The following CRYBG3 variants were observed in gnomAD, a reference collection of about 807,000 sequenced individuals.
The protein encoded by CRYBG3 is very large A-kinase anchor protein.
Under a neutral mutation model 244.2 loss-of-function variants are expected in CRYBG3, and 127 were observed. The ratio of observed to expected loss-of-function variants is 0.52; its 90% confidence interval spans 0.45 to 0.60. The LOEUF is 0.60. CRYBG3 is among the 20% of genes least tolerant of loss of function. CRYBG3 has a pLI of 0.00. For synonymous variants in CRYBG3, 1,132 were observed against 1,195.8 expected, an observed-to-expected ratio of 0.95 and a Z score of 1.10; for missense variants, 3,325 against 3,442.5, an observed-to-expected ratio of 0.97 and a Z score of 0.85.
intron 19 of CRYBG3, among the ~76,000 whole-genome samples, chr3:97,937,771 G>C (rs116723777): frequency 6.6e-6 from 1 of 152,052 alleles, no homozygotes; most frequent in Non-Finnish European, 1.5e-5. Context: ...TGTAGGAGCT[G>C]AGGAACTATT....
In CRYBG3 at chr3:97,822,198, C is replaced by G; in HGVS notation, c.-9C>G. 6.6e-7 allele frequency: 1 copy of G among 1,514,898 alleles called. No homozygotes were observed. The highest frequency in any genetic ancestry group is 8.8e-7 in the Non-Finnish European group (1 of 1,136,730). The allele number at this position is 1,514,898 out of a possible 1,614,324, so 93.8% of individuals were successfully genotyped here. A position where few individuals can be genotyped will look rare whatever the true frequency, so the allele number is the denominator to read the frequency against. ...TCAGACAGCCCCGGGCCAGCGGCCC[C>G]CTCGGGAAATGTCCAGCGGCCGCAG... On this transcript the variant is annotated 5_prime_UTR_variant, in exon 1 of 22. Transcript: ENST00000389622.
At chr3:97,850,572 T>C (rs1162922549) in intron 2 of CRYBG3, among the ~76,000 whole-genome samples, 1 of 152,236 alleles carries the variant, frequency 6.6e-6, no homozygotes, top group African/African-American at 2.4e-5. Flanking sequence ...AATAGCTTAT[T>C]GTTTTAAACT....
chr3:97,876,034 G>C lies in CRYBG3; in HGVS notation c.4840G>C (p.Val1614Leu), dbSNP rs533818943. The change falls in exon 4 of 22, where the codon GTC becomes CTC. Residue 1614 changes from valine to leucine, a missense_variant. Transcript: ENST00000389622. ...TATTGAAAAAACTGAGGGATCAGCT[G>C]TCATTTTAGGAATGGAAAAAGCTTA... ...SCIEKTEGSA[V>L]ILGMEKAYKM... is the part of the protein sequence containing the mutation. 9 of 1,232,058 alleles carry C rather than the reference G, an allele frequency of 7.3e-6. No individual in the cohort carries two copies. Among genetic ancestry groups the C allele is most frequent in the East Asian group, 3.2e-5 (1 of 31,690 alleles). 76.3% of individuals were successfully genotyped at this position (1,232,058 alleles called of 1,614,324 possible). A position where few individuals can be genotyped will look rare whatever the true frequency, so the allele number is the denominator to read the frequency against.
At chr3:97,859,709 T>C (rs34537649) in intron 2 of CRYBG3, among the ~76,000 whole-genome samples, 5,882 of 152,246 alleles carry the variant, frequency 0.039, 155 homozygotes, top group Non-Finnish European at 0.061. Flanking sequence ...TTTTTGTCTC[T>C]CCTTCAGCTT....
intron 7 of CRYBG3, among the ~76,000 whole-genome samples, chr3:97,884,024 G>A (rs2039480518): frequency 6.6e-6 from 1 of 152,176 alleles, no homozygotes; most frequent in South Asian, 2.1e-4. Context: ...ACAACACAAT[G>A]CAGAGGAAAT....
At chr3:97,861,417 G>T (rs2039146188) in intron 2 of CRYBG3, among the ~76,000 whole-genome samples, 1 of 152,098 alleles carries the variant, frequency 6.6e-6, no homozygotes, top group African/African-American at 2.4e-5. Flanking sequence ...GCTCCTTGAA[G>T]ACCTCAGCTA....
At position 97,871,930 on chromosome 3, in the gene CRYBG3, A is replaced by G; in HGVS notation, c.736A>G (p.Thr246Ala). The change falls in exon 4 of 22, where the codon ACA becomes GCA. Residue 246 changes from threonine (T) to alanine (A), a missense_variant. Physicochemically the swap from Thr to Ala is moderately conservative, Grantham distance 58. Around this residue, in one of 4 missense-constraint regions of CRYBG3, gnomAD observed 1,526 missense variants for 1,443.2 expected, o/e 1.06. Transcript: ENST00000389622. Reference protein sequence around the residue: ...RHIGKYLKQQTGLATVNTLDR... With the variant: ...RHIGKYLKQQAGLATVNTLDR... ...CATTGGGAAATATTTAAAGCAACAG[A>G]CAGGCTTGGCAACTGTGAATACCTT... The G allele has an allele frequency of 6.5e-7, 1 of 1,535,764 alleles. No individual in the cohort carries two copies. The highest frequency in any genetic ancestry group is 2.4e-5 in the East Asian group (1 of 40,912).
Position 97,876,319 on chromosome 3 carries a change from C to G in CRYBG3, c.5125C>G (p.Pro1709Ala). ...EGISEKAEVI[P>A]VTLAMENTYQ... ...GATTAGTGAAAAGGCTGAAGTGATA[C>G]CCGTTACATTAGCAATGGAAAATAC... Residue 1709 changes from proline (P) to alanine (A), a missense_variant, in exon 4 of 22, where the codon CCC (proline) becomes GCC (alanine). This residue lies in a region of CRYBG3 where 635 missense variants were observed against 771.7 expected (regional missense o/e 0.82). Transcript: ENST00000389622. 8.1e-7 allele frequency: 1 copy of G among 1,231,802 alleles called. No individual in the cohort carries two copies. Among genetic ancestry groups the G allele is most frequent in the Non-Finnish European group, 1.0e-6 (1 of 987,916 alleles). 76.3% of individuals were successfully genotyped at this position (1,231,802 alleles called of 1,614,324 possible).
rs73850193 is a variant in CRYBG3, at chr3:97,831,883, C to G, written c.149+9528C>G. Among the ~76,000 whole-genome samples the G allele has an allele frequency of 6.5e-3, 982 of 151,766 alleles. 8 individuals carry two copies. Among genetic ancestry groups the G allele is most frequent in the African/African-American group, 0.022 (898 of 41,416 alleles). On this transcript the variant is annotated intron_variant, in intron 1 of 21. Coordinates refer to ENST00000389622, the MANE Select transcript of CRYBG3 (RefSeq NM_153605.4). ...GTTATTCTTCGTCTTTTTTTTTAACCTGATAGCTTATTTCCTCTTATTAAT... is the reference window on the plus strand; with the variant it reads ...GTTATTCTTCGTCTTTTTTTTTAACGTGATAGCTTATTTCCTCTTATTAAT...
At chr3:97,837,239 G>T (rs2038747305) in intron 1 of CRYBG3, among the ~76,000 whole-genome samples, 1 of 152,064 alleles carries the variant, frequency 6.6e-6, no homozygotes, top group East Asian at 1.9e-4. Context: ...GGTATTATTT[G>T]ATCACATTTT....
At chr3:97,849,226 G>T (rs372831398) in intron 2 of CRYBG3, among the ~76,000 whole-genome samples, 2 of 152,208 alleles carry the variant, frequency 1.3e-5, no homozygotes, top group Non-Finnish European at 2.9e-5. Context: ...TTGGTAAAAT[G>T]ATTGCCTTCT....
Position 97,872,725 on chromosome 3 carries a change from A to G in CRYBG3, c.1531A>G (p.Lys511Glu). 2 of 1,535,968 alleles carry G rather than the reference A, an allele frequency of 1.3e-6. No homozygotes were observed. The highest frequency in any genetic ancestry group is 2.4e-5 in the East Asian group (1 of 40,914). ...AGACACAGAATTTGTAAATGAAGGA[A>G]AGAGATTGTCTGCCCAAGACTCACA... ...VTDTEFVNEG[K>E]RLSAQDSQKN... Residue 511 changes from lysine (K) to glutamate (E), a missense_variant, in exon 4 of 22, where the codon AAG becomes GAG. Physicochemically the swap from Lys to Glu is moderately conservative, Grantham distance 56. Coordinates refer to ENST00000389622, the MANE Select transcript of CRYBG3 (RefSeq NM_153605.4).
chr3:97,910,616 G>T (rs1261510065), intron 15 of CRYBG3, among the ~76,000 whole-genome samples: 12 of 152,172 alleles, frequency 7.9e-5, no homozygotes, highest in Admixed American at 7.9e-4. Flanking sequence ...TTCGCGCACG[G>T]TGCACGCACC....
At chr3:97,884,346 T>G (rs1576543423) in intron 7 of CRYBG3, among the ~76,000 whole-genome samples, 1 of 152,266 alleles carries the variant, frequency 6.6e-6, no homozygotes, top group East Asian at 1.9e-4. Flanking sequence ...GTTTACTGTG[T>G]ATTTAAGGTT....
At chr3:97,882,599 A>G (rs1332973449) in intron 7 of CRYBG3, among the ~76,000 whole-genome samples, 1 of 152,148 alleles carries the variant, frequency 6.6e-6, no homozygotes, top group Admixed American at 6.5e-5. Context: ...TATTCTTAAG[A>G]TTTCCTTCAT....
Position 97,864,296 on chromosome 3 carries a change from A to G in CRYBG3, c.296A>G (p.Tyr99Cys). ...LPVQEDPKKA[Y>C]DLSSSTSDTK... Reference sequence around the variant, plus strand: ...GTGCAGGAAGATCCCAAAAAGGCATATGATCTTTCCAGTTCCACTTCAGAT... The same window carrying G: ...GTGCAGGAAGATCCCAAAAAGGCATGTGATCTTTCCAGTTCCACTTCAGAT... The change falls in exon 3 of 22, where the codon TAT becomes TGT. Residue 99 changes from tyrosine (Y) to cysteine (C), a missense_variant. By Grantham distance (194) the Tyr-to-Cys change is radical. This residue lies in a region of CRYBG3 where 1,526 missense variants were observed against 1,443.2 expected (regional missense o/e 1.06). Coordinates refer to ENST00000389622, the MANE Select transcript of CRYBG3 (RefSeq NM_153605.4). 1 of 1,535,690 alleles carries G rather than the reference A, an allele frequency of 6.5e-7. No homozygotes were observed. The highest frequency in any genetic ancestry group is 8.7e-7 in the Non-Finnish European group (1 of 1,146,652).
chr3:97,874,478 A>C lies in CRYBG3; in HGVS notation c.3284A>C (p.Glu1095Ala), dbSNP rs546867608. The change falls in exon 4 of 22, where the codon GAA becomes GCA. Residue 1095 changes from glutamate (E) to alanine (A), a missense_variant. Glu to Ala is a moderately radical substitution (Grantham distance 107). Transcript: ENST00000389622. ...CAAGTTACCAAAGATCTCACACATG[A>C]AGGTACCTCTGTAACTAACCTGTTG... Reference protein sequence around the residue: ...SIQVTKDLTHEGTSVTNLLYP... With the variant: ...SIQVTKDLTHAGTSVTNLLYP... 2 of 1,534,216 alleles carry C rather than the reference A, an allele frequency of 1.3e-6. No homozygotes were observed. Among genetic ancestry groups the C allele is most frequent in the South Asian group, 2.4e-5 (2 of 83,556 alleles).
intron 17 of CRYBG3, among the ~76,000 whole-genome samples, chr3:97,930,124 A>G (rs2040082073): frequency 6.6e-6 from 1 of 152,094 alleles, no homozygotes; most frequent in Admixed American, 6.6e-5. Context: ...TCTGGGATAT[A>G]AAACAGTTAA....
intron 2 of CRYBG3, among the ~76,000 whole-genome samples, chr3:97,861,783 T>C (rs2039153940): frequency 6.6e-6 from 1 of 152,128 alleles, no homozygotes. Flanking sequence ...AGGCTGAACT[T>C]GTCCAGGTTG....
Sources: gnomAD v4.1 joint callset for allele counts (sites outside exome capture counted in the v4.1 genomes callset) on GRCh38, gnomAD v4.1.1 for gene constraint, gnomAD v4.1.1 regional missense constraint, MANE v1.5 for transcripts, NCBI Gene and HGNC (gene_info 2026-07-23, HGNC 2026-07-21) for gene names.